Variants in KIAA1217 observed in about 807,000 individuals in gnomAD.
KIAA1217 encodes sickle tail protein homolog.
A neutral mutation model predicts 163.9 loss-of-function variants in KIAA1217; 88 were observed. The ratio of observed to expected loss-of-function variants is 0.54; its 90% confidence interval spans 0.45 to 0.64. The LOEUF is 0.64. Among genes scored for constraint, KIAA1217 ranks in the 30% least tolerant of loss-of-function variants. The pLI is 0.00. For synonymous variants in KIAA1217, 903 were observed against 923.1 expected, an observed-to-expected ratio of 0.98 and a Z score of 0.39; for missense variants, 2,372 against 2,475.0, an observed-to-expected ratio of 0.96 and a Z score of 0.88.
intron 1 of KIAA1217, among the ~76,000 whole-genome samples, chr10:23,875,252 A>C (rs1840628811): frequency 6.6e-6 from 1 of 152,046 alleles, no homozygotes; most frequent in African/African-American, 2.4e-5. Context: ...AGGAAAGAGG[A>C]AACTGTTCTA....
chr10:24,224,269 T>G (rs906216085), intron 2 of KIAA1217, among the ~76,000 whole-genome samples: 3 of 152,178 alleles, frequency 2.0e-5, no homozygotes, highest in Non-Finnish European at 4.4e-5. Flanking sequence ...GTGGGACTCA[T>G]CAGGATCCAG....
intron 2 of KIAA1217, among the ~76,000 whole-genome samples, chr10:24,342,373 G>T (rs867629336): frequency 1.3e-5 from 2 of 152,156 alleles, no homozygotes; most frequent in Admixed American, 1.3e-4. Context: ...TGTAATATAT[G>T]TACATGGAAA....
At chr10:24,449,814 A>G (rs1229972015) in intron 5 of KIAA1217, 1 of 883,752 alleles carries the variant, frequency 1.1e-6, no homozygotes, top group African/African-American at 1.8e-5. Flanking sequence ...ATCTTTTTTC[A>G]TGCTCTGGCA....
intron 1 of KIAA1217, among the ~76,000 whole-genome samples, chr10:23,720,899 A>T: frequency 6.6e-6 from 1 of 152,134 alleles, no homozygotes; most frequent in East Asian, 1.9e-4. Context: ...TCCCTAAGGG[A>T]TGAAAAATAT....
chr10:24,508,090 C>G (rs1041528848), intron 9 of KIAA1217, among the ~76,000 whole-genome samples: 7 of 152,030 alleles, frequency 4.6e-5, no homozygotes, highest in African/African-American at 1.7e-4. Context: ...AACCACAAAC[C>G]AATATCCCTC....
At chr10:24,186,687 T>G (rs1377592867) in intron 2 of KIAA1217, among the ~76,000 whole-genome samples, 1 of 152,110 alleles carries the variant, frequency 6.6e-6, no homozygotes, top group East Asian at 1.9e-4. Context: ...GGTCAGGAGT[T>G]GAAGACCAGC....
chr10:23,983,439 T>C (rs1423471272), intron 1 of KIAA1217, among the ~76,000 whole-genome samples: 1 of 152,090 alleles, frequency 6.6e-6, no homozygotes. Flanking sequence ...TTTACAACCA[T>C]GGTGGTAGGC....
intron 2 of KIAA1217, among the ~76,000 whole-genome samples, chr10:24,236,730 C>T (rs1246763935): frequency 6.6e-6 from 1 of 151,666 alleles, no homozygotes; most frequent in Non-Finnish European, 1.5e-5. Flanking sequence ...TAGCTCACTG[C>T]AGCCTCAACC....
intron 1 of KIAA1217, among the ~76,000 whole-genome samples, chr10:23,801,284 A>G (rs1437800886): frequency 6.6e-6 from 1 of 152,168 alleles, no homozygotes. Context: ...ATGAGAACAC[A>G]TGAACAGAGG....
At chr10:24,180,488 T>G (rs1437837151) in intron 2 of KIAA1217, among the ~76,000 whole-genome samples, 11 of 152,094 alleles carry the variant, frequency 7.2e-5, no homozygotes, top group Non-Finnish European at 1.6e-4. Context: ...GGTTTCACCA[T>G]GTTGGCAAAA....
At chr10:24,314,168 C>T (rs1278400819) in intron 2 of KIAA1217, among the ~76,000 whole-genome samples, 1 of 152,066 alleles carries the variant, frequency 6.6e-6, no homozygotes, top group East Asian at 1.9e-4. Context: ...TTATTCTGTA[C>T]CTTCGTTTAA....
At chr10:23,852,968 A>G (rs1320443116) in intron 1 of KIAA1217, among the ~76,000 whole-genome samples, 2 of 152,218 alleles carry the variant, frequency 1.3e-5, no homozygotes, top group African/African-American at 2.4e-5. Context: ...AACAGGGTCA[A>G]TTTGACTTCC....
intron 20 of KIAA1217, chr10:24,545,391 C>A (rs546207176): frequency 7.5e-7 from 1 of 1,332,464 alleles, no homozygotes; most frequent in African/African-American, 1.5e-5. Flanking sequence ...TGTAGTGTTT[C>A]ATCTGAACAC....
chr10:23,766,594 CTTT>C (rs569633830), intron 1 of KIAA1217, among the ~76,000 whole-genome samples: 1 of 127,728 alleles, frequency 7.8e-6, no homozygotes, highest in Non-Finnish European at 1.7e-5. Context: ...TTTCTTTTTT[CTTT>C]TTTTTTTTTG....
At chr10:23,999,259 G>A (rs981513236) in intron 1 of KIAA1217, among the ~76,000 whole-genome samples, 8 of 152,206 alleles carry the variant, frequency 5.3e-5, no homozygotes, top group Non-Finnish European at 8.8e-5. Context: ...AAACCTGTGT[G>A]TTTGCCCCAG....
At chr10:24,452,362 G>C (rs978066914) in intron 5 of KIAA1217, among the ~76,000 whole-genome samples, 1 of 152,006 alleles carries the variant, frequency 6.6e-6, no homozygotes, top group Non-Finnish European at 1.5e-5. Context: ...TAATGGTACA[G>C]AAAAATCATT....
chr10:24,143,134 C>A (rs868213231), intron 2 of KIAA1217, among the ~76,000 whole-genome samples: 2 of 152,128 alleles, frequency 1.3e-5, no homozygotes, highest in African/African-American at 4.8e-5. Flanking sequence ...AGAGGAGGGA[C>A]ATGTGTCCAT....
intron 2 of KIAA1217, among the ~76,000 whole-genome samples, chr10:24,324,532 G>A (rs1317461883): frequency 2.0e-5 from 3 of 152,156 alleles, no homozygotes; most frequent in African/African-American, 4.8e-5. Flanking sequence ...CTGTCACTGC[G>A]CTCCATCCTG....
At chr10:23,877,787 T>A (rs890162772) in intron 1 of KIAA1217, among the ~76,000 whole-genome samples, 9 of 151,974 alleles carry the variant, frequency 5.9e-5, no homozygotes, top group Admixed American at 2.0e-4. Context: ...CTTAGTTGGC[T>A]AGCATCTGTT....
Sources: gnomAD v4.1 joint callset for allele counts (sites outside exome capture counted in the v4.1 genomes callset) on GRCh38, gnomAD v4.1.1 for gene constraint, MANE v1.5 for transcripts, NCBI Gene and HGNC (gene_info 2026-07-23, HGNC 2026-07-21) for gene names.